The following DLGAP4 variants were observed in gnomAD, a reference collection of about 807,000 sequenced individuals.
DLGAP4 encodes DLG associated protein 4.
A neutral mutation model predicts 86.9 loss-of-function variants in DLGAP4; 18 were observed. The ratio of observed to expected loss-of-function variants is 0.21; its 90% CI spans 0.14 to 0.31. The LOEUF (loss-of-function observed/expected upper bound fraction) is 0.31. Among genes scored for constraint, DLGAP4 ranks in the 10% least tolerant of loss-of-function variants. The pLI is 1.00. For synonymous variants in DLGAP4, 548 were observed against 574.3 expected, an observed-to-expected ratio of 0.95 and a Z score of 0.65; for missense variants, 1,085 against 1,362.6, an observed-to-expected ratio of 0.80 and a Z score of 3.21.
At chr20:36,415,094 C>T (rs555376559) in intron 2 of DLGAP4, among the ~76,000 whole-genome samples, 1 of 151,952 alleles carries the variant, frequency 6.6e-6, no homozygotes, top group African/African-American at 2.4e-5. Flanking sequence ...GGTGAAACCC[C>T]GTCTCTACTA....
At chr20:36,390,085 A>G (rs544838037) in intron 2 of DLGAP4, among the ~76,000 whole-genome samples, 2 of 152,372 alleles carry the variant, frequency 1.3e-5, no homozygotes, top group South Asian at 4.1e-4. Context: ...ATAGGGGCAG[A>G]GAAGTGTGCA....
chr20:36,362,185 G>T (rs782706092), intron 1 of DLGAP4, among the ~76,000 whole-genome samples: 3 of 151,478 alleles, frequency 2.0e-5, no homozygotes, highest in Non-Finnish European at 2.9e-5. Flanking sequence ...GCTTGAAACT[G>T]GGGGGCAGAG....
At chr20:36,489,223 T>G (rs1391517407) in intron 7 of DLGAP4, among the ~76,000 whole-genome samples, 1 of 152,182 alleles carries the variant, frequency 6.6e-6, no homozygotes, top group Non-Finnish European at 1.5e-5. Context: ...CCTTAAGTGT[T>G]GGTTTTGCAA....
chr20:36,396,636 C>T (rs2032005338), intron 2 of DLGAP4, among the ~76,000 whole-genome samples: 3 of 129,634 alleles, frequency 2.3e-5, no homozygotes, highest in South Asian at 2.7e-4. Context: ...CACATACACG[C>T]ACACACCACA....
chr20:36,429,068 GTTTATTTA>G (rs752612395), intron 2 of DLGAP4, among the ~76,000 whole-genome samples: 1 of 152,062 alleles, frequency 6.6e-6, no homozygotes, highest in African/African-American at 2.4e-5. Flanking sequence ...CTTCCTGCCT[GTTTATTTA>G]TTTATTTATG....
rs2033141945 is a variant in DLGAP4, at chr20:36,431,938, T to G, written c.221T>G (p.Ile74Ser). 1 of 1,613,974 alleles carries G rather than the reference T, an allele frequency of 6.2e-7. No individual in the cohort carries two copies. The highest frequency in any genetic ancestry group is 1.1e-5 in the South Asian group (1 of 91,072). The stretch of plus-strand genomic sequence containing the variant: ...CCGCCCAGCAGCACCTTTCCCCGCA[T>G]CCACTACAACTCCCACTTCGAGGTG... ...LPPPSSTFPR[I>S]HYNSHFEVPE... Residue 74 changes from isoleucine to serine, a missense_variant, in exon 3 of 13, where the codon ATC (isoleucine) becomes AGC (serine). By Grantham distance (142) the Ile-to-Ser change is moderately radical. Coordinates refer to ENST00000339266, the MANE Select transcript of DLGAP4 (RefSeq NM_001365621.2). This position sits in a 1 kb window ranked among gnomAD's most constrained non-coding sequence, Gnocchi z 5.1.
intron 10 of DLGAP4, among the ~76,000 whole-genome samples, chr20:36,519,469 CTTTTTA>C (rs2037242040): frequency 6.6e-6 from 1 of 152,106 alleles, no homozygotes; most frequent in African/African-American, 2.4e-5. Flanking sequence ...CACAGATTTT[CTTTTTA>C]GTCAGAGTCT....
chr20:36,488,493 T>C (rs766049561), intron 7 of DLGAP4, among the ~76,000 whole-genome samples: 2 of 152,186 alleles, frequency 1.3e-5, no homozygotes, highest in African/African-American at 2.4e-5. Flanking sequence ...CTGGGCAGTA[T>C]AGGGTCACTG....
intron 7 of DLGAP4, chr20:36,461,486 G>A (rs1281840988): frequency 1.0e-6 from 1 of 981,316 alleles, no homozygotes. Context: ...CCGGAGCCTC[G>A]GGCCGGGCTG....
chr20:36,468,294 A>C (rs973738928), intron 7 of DLGAP4, among the ~76,000 whole-genome samples: 2 of 152,232 alleles, frequency 1.3e-5, no homozygotes, highest in African/African-American at 4.8e-5. Context: ...GGCCCAGCCA[A>C]CGCAATCAGT....
At chr20:36,319,307 A>C (rs1555890299) in intron 1 of DLGAP4, among the ~76,000 whole-genome samples, 1 of 152,138 alleles carries the variant, frequency 6.6e-6, no homozygotes, top group East Asian at 1.9e-4. Flanking sequence ...TCTCAGCCTC[A>C]GTTTCCCCCG....
intron 2 of DLGAP4, among the ~76,000 whole-genome samples, chr20:36,375,128 G>A (rs1488921273): frequency 2.6e-5 from 4 of 152,204 alleles, no homozygotes; most frequent in African/African-American, 9.6e-5. Flanking sequence ...GAGCAAGTTG[G>A]AGGCAGGGCT....
At chr20:36,444,041 C>T (rs931172231) in intron 6 of DLGAP4, among the ~76,000 whole-genome samples, 1 of 152,186 alleles carries the variant, frequency 6.6e-6, no homozygotes, top group African/African-American at 2.4e-5. Context: ...CCATGTGGTT[C>T]CTGTGTGATC....
At chr20:36,443,144 T>C (rs2033496413) in intron 6 of DLGAP4, among the ~76,000 whole-genome samples, 1 of 152,052 alleles carries the variant, frequency 6.6e-6, no homozygotes. Flanking sequence ...GCTGATGATA[T>C]TAGCTTCCAG....
At chr20:36,447,633 C>CTG (rs2033627077) in intron 7 of DLGAP4, among the ~76,000 whole-genome samples, 1 of 152,102 alleles carries the variant, frequency 6.6e-6, no homozygotes. Flanking sequence ...GTTGGCCAGG[C>CTG]TGGTCGTGAA....
chr20:36,433,620 C>T (rs1569497755), intron 3 of DLGAP4, among the ~76,000 whole-genome samples: 1 of 151,676 alleles, frequency 6.6e-6, no homozygotes, highest in Admixed American at 6.6e-5. Context: ...GCGGGCCTGG[C>T]CAGCCCTTGG....
chr20:36,343,950 C>T (rs1010750808), intron 1 of DLGAP4, among the ~76,000 whole-genome samples: 1 of 152,230 alleles, frequency 6.6e-6, no homozygotes, highest in Non-Finnish European at 1.5e-5. Context: ...GCAGTGGGAT[C>T]ACTACTGAGG....
chr20:36,331,211 G>A (rs562953182), intron 1 of DLGAP4, among the ~76,000 whole-genome samples: 54 of 152,224 alleles, frequency 3.5e-4, no homozygotes, highest in Non-Finnish European at 7.2e-4. Flanking sequence ...CTCCAAAGAT[G>A]CCTATTGAGC....
At chr20:36,479,630 G>A (rs930216541) in intron 7 of DLGAP4, among the ~76,000 whole-genome samples, 1 of 152,104 alleles carries the variant, frequency 6.6e-6, no homozygotes, top group African/African-American at 2.4e-5. Context: ...GTGAGGAAGA[G>A]GGTGTTCAGG....
Sources: gnomAD v4.1 joint callset for allele counts (sites outside exome capture counted in the v4.1 genomes callset) on GRCh38, gnomAD v4.1.1 for gene constraint, Gnocchi (gnomAD v3.1) non-coding constraint, MANE v1.5 for transcripts, NCBI Gene and HGNC (gene_info 2026-07-23, HGNC 2026-07-21) for gene names.